Variants in MRPS31 observed in about 807,000 individuals in gnomAD.
MRPS31 encodes the protein mitochondrial ribosomal protein S31.
In MRPS31, 32 loss-of-function variants were observed where a neutral mutation model predicts 43.1. That is an observed-to-expected ratio of 0.74 (90% CI 0.56 to 1.00). MRPS31 has a LOEUF of 1.00. MRPS31 is among the 50% of genes least tolerant of loss of function. MRPS31 has a pLI of 0.00. For missense variants in MRPS31, 437 were observed against 466.7 expected, an observed-to-expected ratio of 0.94 and a Z score of 0.59; for synonymous variants, 165 against 161.6, an observed-to-expected ratio of 1.02 and a Z score of -0.16.
chr13:40,770,870 A>C, intron 1 of MRPS31, 115 bp downstream of exon 1: 1 of 1,347,446 alleles, frequency 7.4e-7, no homozygotes, highest in South Asian at 1.2e-5. Context: ...TCTTTCTGGG[A>C]TTTCTCTTTC....
At chr13:40,731,306 T>C in intron 6 of MRPS31, 1 of 147,824 alleles carries the variant, frequency 6.8e-6, no homozygotes, top group Non-Finnish European at 1.4e-5. Context: ...GTGTGGTGGC[T>C]CATGCCTGTA....
chr13:40,762,348 C>A (rs1354567825), intron 2 of MRPS31, among the ~76,000 whole-genome samples: 1 of 152,188 alleles, frequency 6.6e-6, no homozygotes, highest in African/African-American at 2.4e-5. Context: ...TTTCAGATAT[C>A]TACATGGCTT....
intron 5 of MRPS31, 159 bp from the exon 6 acceptor site, chr13:40,749,440 A>G: frequency 2.2e-6 from 1 of 453,838 alleles, no homozygotes; most frequent in Non-Finnish European, 3.6e-6. Context: ...TGCAAAAATT[A>G]TATTAAAAAT....
intron 6 of MRPS31, among the ~76,000 whole-genome samples, chr13:40,747,368 T>C (rs1880268354): frequency 6.6e-6 from 1 of 152,100 alleles, no homozygotes; most frequent in Admixed American, 6.6e-5. Flanking sequence ...CAGATATTAT[T>C]TTACAGAGAG....
intron 1 of MRPS31, among the ~76,000 whole-genome samples, chr13:40,770,540 A>T (rs1450215012): frequency 2.6e-5 from 4 of 152,194 alleles, no homozygotes; most frequent in Admixed American, 6.5e-5. Flanking sequence ...TATCTCAGCT[A>T]TTACTTCACT....
At chr13:40,757,588 G>A (rs1207498998) in intron 3 of MRPS31, among the ~76,000 whole-genome samples, 19 of 151,298 alleles carry the variant, frequency 1.3e-4, no homozygotes, top group Admixed American at 1.3e-3. Context: ...GAGACTACAG[G>A]CGTGTGCCAC....
chr13:40,753,883 A>G lies in MRPS31; in HGVS notation c.814+136T>C. On this transcript the variant is annotated intron_variant, in intron 5 of 6. Transcript: ENST00000323563. The stretch of plus-strand genomic sequence containing the variant: ...ACAGTCCCAAGTTTTCCTTGTAACA[A>G]CCGCCACATTCATAAGCAGGATCCA... 4.8e-6 allele frequency: 3 copies of G among 627,264 alleles called. No individual in the cohort carries two copies. The South Asian group carries it at 5.9e-5, about 12-fold the overall frequency. 38.9% of individuals were successfully genotyped at this position (627,264 alleles called of 1,614,324 possible).
intron 4 of MRPS31, among the ~76,000 whole-genome samples, chr13:40,756,109 G>C (rs1346529997): frequency 1.3e-5 from 2 of 152,100 alleles, no homozygotes; most frequent in African/African-American, 2.4e-5. Flanking sequence ...GTTAACTCAA[G>C]TTTCTGATTT....
chr13:40,758,617 G>C (rs1880601130), intron 3 of MRPS31, among the ~76,000 whole-genome samples: 1 of 152,002 alleles, frequency 6.6e-6, no homozygotes, highest in Admixed American at 6.5e-5. Context: ...AAACCAGCAA[G>C]GTATTTAACT....
chr13:40,756,419 T>A (rs923029321), intron 4 of MRPS31, among the ~76,000 whole-genome samples: 1 of 152,254 alleles, frequency 6.6e-6, no homozygotes, highest in African/African-American at 2.4e-5. Context: ...TAAACTTTTT[T>A]CCTCCTGCCT....
At chr13:40,737,797 G>A (rs1016537320) in intron 6 of MRPS31, among the ~76,000 whole-genome samples, 1 of 151,852 alleles carries the variant, frequency 6.6e-6, no homozygotes, top group Admixed American at 6.6e-5. Context: ...AGTGTGTAGA[G>A]GGAAATTTAT....
chr13:40,753,893 T>G lies in MRPS31; in HGVS notation c.814+126A>C, dbSNP rs183386470. The G allele has an allele frequency of 1.2e-4, 77 of 656,358 alleles. 1 individual carries two copies. The Middle Eastern group carries it at 2.2e-3, about 19-fold the overall frequency. 40.7% of individuals were successfully genotyped at this position (656,358 alleles called of 1,614,324 possible). A position where few individuals can be genotyped will look rare whatever the true frequency, so the allele number is the denominator to read the frequency against. ...GTTTTCCTTGTAACAACCGCCACAT[T>G]CATAAGCAGGATCCAGGCCAATGAC... On this transcript the variant is annotated intron_variant, in intron 5 of 6. Transcript: ENST00000323563.
intron 4 of MRPS31, among the ~76,000 whole-genome samples, chr13:40,754,829 G>A (rs1880484670): frequency 6.6e-6 from 1 of 152,202 alleles, no homozygotes; most frequent in Non-Finnish European, 1.5e-5. Context: ...AGGAGTTTGA[G>A]ACCAGCCTGG....
At chr13:40,736,290 C>G (rs966450405) in intron 6 of MRPS31, among the ~76,000 whole-genome samples, 1 of 151,974 alleles carries the variant, frequency 6.6e-6, no homozygotes, top group African/African-American at 2.4e-5. Flanking sequence ...GTGAAAAGAC[C>G]GAATCTACGT....
chr13:40,741,067 T>C (rs1216749109), intron 6 of MRPS31, among the ~76,000 whole-genome samples: 4 of 151,420 alleles, frequency 2.6e-5, no homozygotes, highest in African/African-American at 7.3e-5. Flanking sequence ...TATATCTACA[T>C]TGGAAGGATG....
intron 6 of MRPS31, among the ~76,000 whole-genome samples, chr13:40,747,652 T>C (rs967216712): frequency 1.3e-5 from 2 of 151,974 alleles, no homozygotes; most frequent in African/African-American, 4.8e-5. Context: ...CCAAGGCGGG[T>C]GGATCACCCG....
intron 2 of MRPS31, 74 bp from the exon 3 acceptor site, chr13:40,759,180 G>T: frequency 5.0e-6 from 6 of 1,211,336 alleles, no homozygotes; most frequent in Non-Finnish European, 5.5e-6. Flanking sequence ...GCTCATGCCT[G>T]TAATTCCAGC....
At position 40,754,820 on chromosome 13, in the gene MRPS31, G is replaced by A. The variant is rs535049948; in HGVS notation, c.741-728C>T. On this transcript the variant is annotated intron_variant, in intron 4 of 6. Transcript: ENST00000323563. Reference sequence around the variant, plus strand: ...AAGGCAGGTAGATTACCTGAGGTCAGGAGTTTGAGACCAGCCTGGCCAACA... The same window carrying A: ...AAGGCAGGTAGATTACCTGAGGTCAAGAGTTTGAGACCAGCCTGGCCAACA... Among the ~76,000 whole-genome samples the A allele has an allele frequency of 2.0e-5, 3 of 152,322 alleles. No individual in the cohort carries two copies. The South Asian group carries it at 6.2e-4, about 32-fold the overall frequency.
At chr13:40,738,153 C>A (rs989531385) in intron 6 of MRPS31, among the ~76,000 whole-genome samples, 125 of 152,066 alleles carry the variant, frequency 8.2e-4, no homozygotes, top group Middle Eastern at 3.4e-3. Context: ...GAGAATACTA[C>A]AAACACCTCT....
Sources: allele counts gnomAD v4.1 joint callset (sites outside exome capture counted in the v4.1 genomes callset), GRCh38; gene constraint gnomAD v4.1.1; transcripts MANE v1.5; gene names NCBI Gene and HGNC (gene_info 2026-07-23, HGNC 2026-07-21).